NEB: variants seen among roughly 807,000 people sequenced by gnomAD.
The protein encoded by NEB is nemaline myopathy type 2.
In NEB, 512 loss-of-function variants were observed where a neutral mutation model predicts 952.2. That is an observed-to-expected ratio of 0.54 (90% CI 0.50 to 0.58). NEB has a LOEUF of 0.58. Ranked by LOEUF, NEB falls within the 20% of genes least tolerant of loss-of-function variation. The pLI, the probability that NEB is intolerant of heterozygous loss-of-function variation, is 0.00. For synonymous variants in NEB, 2,900 were observed against 3,149.8 expected (o/e 0.92, Z 2.66); for missense variants, 8,428 against 9,231.1 (o/e 0.91, Z 3.56).
At chr2:151,548,822 T>C (rs527378105) in intron 130 of NEB, among the ~76,000 whole-genome samples, 1 of 152,310 alleles carries the variant, frequency 6.6e-6, no homozygotes, top group East Asian at 1.9e-4. Context: ...AGGTGTTAGA[T>C]TATTAAATCT....
In NEB at chr2:151,709,736, T is replaced by C. The variant is rs1269690979; in HGVS notation, c.955A>G (p.Met319Val). 4 of 1,604,008 alleles carry C rather than the reference T, an allele frequency of 2.5e-6. No homozygotes were observed. Among genetic ancestry groups the C allele is most frequent in the Non-Finnish European group, 3.4e-6 (4 of 1,174,568 alleles). ...TRKYQEDFEN[M>V]KDQIYFMQTE... is the part of the protein sequence containing the mutation. ...TGCATGAAGTAGATCTGGTCTTTCA[T>C]GTTTTCAAAATCTTCCTGGTATTTC... is the stretch of plus-strand genomic sequence containing the variant. Residue 319 changes from methionine (M) to valine (V), a missense_variant, in exon 12 of 182, where the codon ATG (methionine) becomes GTG (valine). Around this residue, in one of 11 missense-constraint regions of NEB, gnomAD observed 2,851 missense variants for 2,791.5 expected, o/e 1.02. Coordinates refer to ENST00000397345, the MANE Select transcript of NEB (RefSeq NM_001164508.2).
At position 151,666,385 on chromosome 2, in the gene NEB, G is replaced by T. The variant is rs751602407; in HGVS notation, c.4736C>A (p.Ala1579Asp). The change falls in exon 41 of 182, where the codon GCC becomes GAC. Residue 1579 changes from alanine (A) to aspartate (D), a missense_variant. By Grantham distance (126) the Ala-to-Asp change is moderately radical. Transcript: ENST00000397345. ...TTGCTTGCCTTTGGCTTTCTCGTAGGCCTCCTTATATTTGCACTATTTGAA... is the reference window on the plus strand; with the variant it reads ...TTGCTTGCCTTTGGCTTTCTCGTAGTCCTCCTTATATTTGCACTATTTGAA... Reference protein sequence around the residue: ...NIASDCKYKEAYEKAKGKQVG... With the variant: ...NIASDCKYKEDYEKAKGKQVG... 52 of 1,613,362 alleles carry T rather than the reference G, an allele frequency of 3.2e-5. No individual in the cohort carries two copies. The highest frequency in any genetic ancestry group is 4.2e-5 in the Non-Finnish European group (50 of 1,179,748).
intron 161 of NEB, among the ~76,000 whole-genome samples, chr2:151,509,620 T>TTTTG (rs946974193): frequency 2.0e-5 from 3 of 152,244 alleles, no homozygotes; most frequent in Admixed American, 1.3e-4. Context: ...GAGGTTTTTT[T>TTTTG]TTTGTTTGTT....
intron 46 of NEB, among the ~76,000 whole-genome samples, chr2:151,659,804 A>T (rs1458591462): frequency 6.6e-6 from 1 of 152,186 alleles, no homozygotes; most frequent in Non-Finnish European, 1.5e-5. Flanking sequence ...TTTTAACTTA[A>T]TAATATAGGT....
Position 151,552,739 on chromosome 2 carries a change from T to C in NEB, c.19769A>G (p.Asp6590Gly). The C allele has an allele frequency of 1.9e-6, 3 of 1,613,348 alleles. No homozygotes were observed. The African/African-American group carries it at 4.0e-5, about 22-fold the overall frequency. ...YKAHMLKTRN[D>G]YKLVTDTPVY... is the part of the protein sequence containing the mutation. ...TGGTGTATCTGTGACAAGCTTGTAG[T>C]CATTCCTTGTTTTCAACATGTGAGC... The change falls in exon 128 of 182, where the codon GAC (aspartate) becomes GGC (glycine). Residue 6590 changes from aspartate (D) to glycine (G), a missense_variant. Coordinates refer to ENST00000397345, the MANE Select transcript of NEB (RefSeq NM_001164508.2).
At position 151,680,009 on chromosome 2, in the gene NEB, G is replaced by A; in HGVS notation, c.3056C>T (p.Ala1019Val). 1 of 1,608,966 alleles carries A rather than the reference G, an allele frequency of 6.2e-7. No individual in the cohort carries two copies. The stretch of plus-strand genomic sequence containing the variant: ...TTTGTGAATAATTTCCTCTCCTTTG[G>A]CTTTGTAAGCGATCTGAAAGAGAAA... ...QAQRSDIAYK[A>V]KGEEIIHKYN... is the part of the protein sequence containing the mutation. Residue 1019 changes from alanine (A) to valine (V), a missense_variant, in exon 31 of 182, where the codon GCC becomes GTC. Coordinates refer to ENST00000397345, the MANE Select transcript of NEB (RefSeq NM_001164508.2).
intron 161 of NEB, among the ~76,000 whole-genome samples, chr2:151,509,569 C>T (rs1042409298): frequency 3.9e-5 from 6 of 151,982 alleles, no homozygotes; most frequent in African/African-American, 4.8e-5. Flanking sequence ...TGCTATTTCT[C>T]GTGGCCCAAT....
At position 151,612,341 on chromosome 2, in the gene NEB, G is replaced by A; in HGVS notation, c.11650C>T (p.Pro3884Ser). The change falls in exon 78 of 182, where the codon CCC (proline) becomes TCC (serine). Residue 3884 changes from proline to serine, a missense_variant. By Grantham distance (74) the Pro-to-Ser change is moderately conservative (BLOSUM62 -1). Around this residue, in one of 11 missense-constraint regions of NEB, gnomAD observed 337 missense variants for 297.5 expected, o/e 1.13. Coordinates refer to ENST00000397345, the MANE Select transcript of NEB (RefSeq NM_001164508.2). ...TTCTCGACCTCTACAGAGCCAATGG[G>A]AACCCATCCTATGCCTCTCAGCCAC... The part of the protein sequence containing the change: ...LEWLRGIGWV[P>S]IGSVEVEKVK... The A allele has an allele frequency of 1.2e-6, 2 of 1,613,818 alleles. No individual in the cohort carries two copies. Among genetic ancestry groups the A allele is most frequent in the South Asian group, 1.1e-5 (1 of 91,074 alleles).
intron 5 of NEB, among the ~76,000 whole-genome samples, chr2:151,726,233 A>G (rs1461271169): frequency 6.6e-6 from 1 of 152,206 alleles, no homozygotes; most frequent in Non-Finnish European, 1.5e-5. Flanking sequence ...AACATCAGAA[A>G]TTCTAGGTTC....
chr2:151,613,705 G>C (rs138954717), intron 77 of NEB, among the ~76,000 whole-genome samples: 34 of 152,198 alleles, frequency 2.2e-4, no homozygotes, highest in African/African-American at 5.8e-4. Flanking sequence ...TGCTGTTCTT[G>C]TGATAGTGAG....
At chr2:151,487,532 T>C (rs1559081769) in intron 181 of NEB, among the ~76,000 whole-genome samples, 1 of 152,208 alleles carries the variant, frequency 6.6e-6, no homozygotes, top group Non-Finnish European at 1.5e-5. Context: ...CATGTAAATA[T>C]AGCTGTATCT....
rs747946275 is a variant in NEB, at chr2:151,570,496, C to T, written c.17118+1G>A. ...CTGAGAAGTTAAAAAAGGCCACTCA[C>T]GTCACTGGCAATCTCCCTGGAGGCC... On this transcript the variant is annotated splice_donor_variant, in intron 108 of 181. Coordinates refer to ENST00000397345, the MANE Select transcript of NEB (RefSeq NM_001164508.2). LOFTEE classifies it high-confidence loss of function. The T allele has an allele frequency of 4.4e-6, 7 of 1,604,914 alleles. No individual in the cohort carries two copies. The highest frequency in any genetic ancestry group is 1.3e-5 in the African/African-American group (1 of 74,470).
chr2:151,724,723 A>G (rs746257688), intron 7 of NEB, 134 bp downstream of exon 7: 6 of 672,848 alleles, frequency 8.9e-6, no homozygotes, highest in African/African-American at 5.4e-5. Flanking sequence ...CTCCTTGATG[A>G]ATACAGGTAT....
chr2:151,715,081 C>G (rs1285945648), intron 10 of NEB, among the ~76,000 whole-genome samples: 5 of 152,232 alleles, frequency 3.3e-5, no homozygotes. Flanking sequence ...CCCCTTAGCT[C>G]ATATTATTAC....
chr2:151,524,264 T>C, intron 153 of NEB, 47 bp downstream of exon 153: 1 of 1,505,536 alleles, frequency 6.6e-7, no homozygotes, highest in Non-Finnish European at 9.2e-7. Flanking sequence ...GCAAGGTCTT[T>C]TATAATCTCC....
chr2:151,505,644 T>A, intron 164 of NEB, 74 bp from the exon 165 acceptor site: 5 of 1,250,298 alleles, frequency 4.0e-6, no homozygotes, highest in Non-Finnish European at 5.9e-6. Flanking sequence ...ATGTACATGT[T>A]TTTTGTAGCC....
chr2:151,613,118 A>AG (rs1170991750), intron 77 of NEB, among the ~76,000 whole-genome samples: 2 of 152,136 alleles, frequency 1.3e-5, no homozygotes, highest in Non-Finnish European at 1.5e-5. Flanking sequence ...TGCTTTTATC[A>AG]TTCTTCCAAA....
chr2:151,575,030 A>T (rs922140065), intron 107 of NEB, among the ~76,000 whole-genome samples: 1 of 152,194 alleles, frequency 6.6e-6, no homozygotes, highest in African/African-American at 2.4e-5. Context: ...ATGAGCCACC[A>T]TGCCCAGCTG....
chr2:151,664,936 T>A lies in NEB; in HGVS notation c.5239-73A>T. ...ACCCAATGCTAGCAAGAGGAAGAGA[T>A]TTACAACTCCATGGTAAAAGAGGTT... On this transcript the variant is annotated intron_variant, in intron 42 of 181. Coordinates refer to ENST00000397345, the MANE Select transcript of NEB (RefSeq NM_001164508.2). 4 of 1,060,824 alleles carry A rather than the reference T, an allele frequency of 3.8e-6. No homozygotes were observed. The South Asian group carries it at 6.3e-5, about 17-fold the overall frequency. 65.7% of individuals were successfully genotyped at this position (1,060,824 alleles called of 1,614,324 possible).
Sources: allele counts gnomAD v4.1 joint callset (sites outside exome capture counted in the v4.1 genomes callset), GRCh38; gene constraint gnomAD v4.1.1; regional missense constraint gnomAD v4.1.1; transcripts MANE v1.5; gene names NCBI Gene and HGNC (gene_info 2026-07-23, HGNC 2026-07-21).